Variants in RREB1 observed in about 807,000 individuals in gnomAD.
RREB1 encodes ras responsive element binding protein 1.
Under a neutral mutation model 117.8 loss-of-function variants are expected in RREB1, and 27 were observed. That is an observed-to-expected ratio of 0.23 (90% CI 0.17 to 0.32). The LOEUF (loss-of-function observed/expected upper bound fraction) is 0.32, where lower values mean the gene tolerates loss of function less well. Ranked by LOEUF, RREB1 falls within the 10% of genes least tolerant of loss-of-function variation. The pLI is 1.00. For missense variants in RREB1, 2,577 were observed against 2,378.2 expected, an observed-to-expected ratio of 1.08 and a Z score of -1.74; for synonymous variants, 1,298 against 1,026.7, an observed-to-expected ratio of 1.26 and a Z score of -5.05.
Position 7,230,492 on chromosome 6 carries a change from C to T in RREB1, c.2393C>T (p.Ala798Val), listed in dbSNP as rs749093062. The change falls in exon 10 of 13, where the codon GCG becomes GTG. Residue 798 changes from alanine to valine, a missense_variant. Coordinates refer to ENST00000379938, the MANE Select transcript of RREB1 (RefSeq NM_001003699.4). ...TTCGAGTGCAAGGAGTGCAGCGCCG[C>T]GTTCGCGGCCAAGCGCAACTGCATC... ...KPFECKECSA[A>V]FAAKRNCIHH... 5 of 1,593,718 alleles carry T rather than the reference C, an allele frequency of 3.1e-6. No individual in the cohort carries two copies. The highest frequency in any genetic ancestry group is 2.2e-5 in the South Asian group (2 of 90,492).
chr6:7,237,331 C>T (rs914119765), intron 10 of RREB1, among the ~76,000 whole-genome samples: 2 of 152,112 alleles, frequency 1.3e-5, no homozygotes, highest in Middle Eastern at 3.2e-3. Context: ...AGGTAATCCA[C>T]CAGCCTCGAC....
At chr6:7,226,698 C>G (rs376480598) in intron 9 of RREB1, 42 bp downstream of exon 9, 34 of 1,492,364 alleles carry the variant, frequency 2.3e-5, no homozygotes, top group Non-Finnish European at 3.2e-5. Flanking sequence ...AACTGCCTTC[C>G]ATGGTCCACA....
intron 4 of RREB1, among the ~76,000 whole-genome samples, chr6:7,186,421 C>T (rs1765084681): frequency 1.3e-5 from 2 of 152,334 alleles, no homozygotes; most frequent in South Asian, 2.1e-4. Flanking sequence ...CGATGTGGCA[C>T]GTCCAGAATC....
Position 7,248,800 on chromosome 6 carries a change from G to A in RREB1, c.5061G>A (p.Arg1687=). 3 of 1,613,952 alleles carry A rather than the reference G, an allele frequency of 1.9e-6. No homozygotes were observed. The highest frequency in any genetic ancestry group is 4.5e-5 in the East Asian group (2 of 44,880). The change falls in exon 13 of 13, where the codon AGG becomes AGA. Residue 1687 remains arginine (R), a synonymous_variant. Coordinates refer to ENST00000379938, the MANE Select transcript of RREB1 (RefSeq NM_001003699.4). ...GTGCCACCAAGGACTGCAGCCACAG[G>A]GAGGAGAAGGTCACGGCAGGGTGGC... ...LASATKDCSH[R]EEKVTAGWPS...
At chr6:7,239,583 C>T (rs954933832) in intron 10 of RREB1, among the ~76,000 whole-genome samples, 1 of 152,226 alleles carries the variant, frequency 6.6e-6, no homozygotes, top group Non-Finnish European at 1.5e-5. Context: ...CAGGAGGGGA[C>T]TGTGCCTCTC....
chr6:7,226,677 A>C (rs199877844), intron 9 of RREB1, 21 bp downstream of exon 9: 1 of 1,597,964 alleles, frequency 6.3e-7, no homozygotes, highest in African/African-American at 1.3e-5. Flanking sequence ...CAGCCCATGG[A>C]AGCAACCAGC....
intron 8 of RREB1, chr6:7,215,234 A>G (rs551091289): frequency 9.8e-5 from 15 of 152,394 alleles, no homozygotes; most frequent in African/African-American, 3.6e-4. Context: ...AACTGGCCAT[A>G]CCCTGCTGTG....
At chr6:7,179,659 CTT>C (rs1334735152) in intron 2 of RREB1, among the ~76,000 whole-genome samples, 1 of 152,168 alleles carries the variant, frequency 6.6e-6, no homozygotes, top group African/African-American at 2.4e-5. Context: ...TGATGACTCT[CTT>C]TTTAGTAGTC....
chr6:7,167,529 A>G (rs1764004158), intron 1 of RREB1, among the ~76,000 whole-genome samples: 1 of 151,682 alleles, frequency 6.6e-6, no homozygotes, highest in Non-Finnish European at 1.5e-5. Context: ...AATTTTTTGT[A>G]TTTTTAGTAG....
rs757903299 is a variant in RREB1 at position 7,230,664 on chromosome 6, C to T, written c.2565C>T (p.Asp855=). 1.9e-6 allele frequency: 3 copies of T among 1,596,054 alleles called. No individual in the cohort carries two copies. Among genetic ancestry groups the T allele is most frequent in the African/African-American group, 1.3e-5 (1 of 74,554 alleles). ...GEDSGCAALG[D]CKPLTAFLEP... is the part of the protein sequence containing the mutation. ...ACAGTGGCTGCGCTGCCCTTGGTGA[C>T]TGCAAGCCCCTCACTGCCTTCCTGG... The change falls in exon 10 of 13, where the codon GAC becomes GAT. Residue 855 remains aspartate, a synonymous_variant. Coordinates refer to ENST00000379938, the MANE Select transcript of RREB1 (RefSeq NM_001003699.4).
chr6:7,108,337 CTCCCCT>C (rs1310467512), intron 1 of RREB1, among the ~76,000 whole-genome samples: 1 of 152,016 alleles, frequency 6.6e-6, no homozygotes, highest in African/African-American at 2.4e-5. Context: ...CCTCCTCCTC[CTCCCCT>C]TCCTCCGCTC....
intron 1 of RREB1, among the ~76,000 whole-genome samples, chr6:7,160,712 G>A (rs1215524719): frequency 6.6e-6 from 1 of 151,216 alleles, no homozygotes; most frequent in African/African-American, 2.4e-5. Flanking sequence ...TTTTGAGACG[G>A]AGTCTCATTC....
intron 6 of RREB1, among the ~76,000 whole-genome samples, chr6:7,189,649 C>T (rs1280652782): frequency 6.6e-6 from 1 of 152,148 alleles, no homozygotes; most frequent in Non-Finnish European, 1.5e-5. Flanking sequence ...GTAGCATCCA[C>T]GTAACCCTGC....
rs566451112 is a variant in RREB1 at position 7,171,010 on chromosome 6, C to T, written c.-284-5645C>T. The stretch of plus-strand genomic sequence containing the variant: ...CATTTCTAATAAAGGGCTGGATGCT[C>T]ATGCCCTTGGGGTTTGTTTGGTGGA... On this transcript the variant is annotated intron_variant, in intron 1 of 12. Transcript: ENST00000379938. Among the ~76,000 whole-genome samples the T allele has an allele frequency of 1.2e-4, 18 of 152,272 alleles. No individual in the cohort carries two copies. The South Asian group carries it at 3.7e-3, about 32-fold the overall frequency.
chr6:7,240,483 C>T lies in RREB1; in HGVS notation c.3854C>T (p.Thr1285Ile). 6.2e-7 allele frequency: 1 copy of T among 1,613,878 alleles called. No homozygotes were observed. The highest frequency in any genetic ancestry group is 8.5e-7 in the Non-Finnish European group (1 of 1,179,898). The change falls in exon 11 of 13, where the codon ACC (threonine) becomes ATC (isoleucine). Residue 1285 changes from threonine (T) to isoleucine (I), a missense_variant. Thr to Ile is a moderately conservative substitution (Grantham distance 89). Transcript: ENST00000379938. ...PCQKCDAFFSTKSNCERHQLR... is the reference protein window; with the variant it reads ...PCQKCDAFFSIKSNCERHQLR... The stretch of plus-strand genomic sequence containing the variant: ...CAAAAATGCGATGCCTTCTTTTCTA[C>T]CAAATCTAACTGTGAACGCCACCAG...
At chr6:7,116,834 C>T (rs1761421421) in intron 1 of RREB1, among the ~76,000 whole-genome samples, 1 of 152,192 alleles carries the variant, frequency 6.6e-6, no homozygotes, top group Admixed American at 6.5e-5. Flanking sequence ...TAAAAGCTGT[C>T]ACACTGGGGC....
intron 1 of RREB1, among the ~76,000 whole-genome samples, chr6:7,119,304 C>A (rs906224902): frequency 6.6e-6 from 1 of 151,960 alleles, no homozygotes; most frequent in Non-Finnish European, 1.5e-5. Context: ...GAGCTGAGAT[C>A]GTGCTACTGC....
intron 1 of RREB1, among the ~76,000 whole-genome samples, chr6:7,152,840 T>G (rs1763184292): frequency 6.6e-6 from 1 of 152,230 alleles, no homozygotes; most frequent in Non-Finnish European, 1.5e-5. Context: ...TAGAGAGAAT[T>G]CTAGCAGGAA....
rs183073362 is a variant in RREB1 at position 7,206,101 on chromosome 6, T to C, written c.426-4703T>C. ...TGCGGTAGGATTCCTACTGTTAAAG[T>C]GTCATGCTTCCAAAAGAAAATTACA... On this transcript the variant is annotated intron_variant, in intron 6 of 12. Transcript: ENST00000379938. Among the ~76,000 whole-genome samples, 124 of 152,372 alleles carry C rather than the reference T, an allele frequency of 8.1e-4. No individual in the cohort carries two copies. In the Middle Eastern group the frequency reaches 0.024, roughly 29 times the overall value.
Sources: gnomAD v4.1 joint callset for allele counts (sites outside exome capture counted in the v4.1 genomes callset) on GRCh38, gnomAD v4.1.1 for gene constraint, MANE v1.5 for transcripts, NCBI Gene and HGNC (gene_info 2026-07-23, HGNC 2026-07-21) for gene names.